The following HNRNPH3 variants were observed in gnomAD, a reference collection of about 807,000 sequenced individuals.
The protein encoded by HNRNPH3 is heterogeneous nuclear ribonucleoprotein 2H9.
HNRNPH3 carries 7 observed loss-of-function variants against 47.0 expected under a neutral mutation model. The ratio of observed to expected loss-of-function variants is 0.15; its 90% CI spans 0.08 to 0.28. The LOEUF is 0.28. HNRNPH3 is among the 10% of genes least tolerant of loss of function. The probability of loss-of-function intolerance (pLI) is 1.00; values close to 1 mark genes in which losing one functional copy is unlikely to be tolerated. For missense variants in HNRNPH3, 279 were observed against 449.6 expected (o/e 0.62, Z 3.43); for synonymous variants, 120 against 143.2 (o/e 0.84, Z 1.16).
chr10:68,337,130 TTTC>T lies in HNRNPH3; in HGVS notation c.-23-65_-23-63del. ...CCTCTTGTGGCACCTCTGAGAGGTGTTTCTTCATTACCTCTTGACAAGAGTATA... is the reference window on the plus strand; with the variant it reads ...CCTCTTGTGGCACCTCTGAGAGGTGTTTCATTACCTCTTGACAAGAGTATA... On this transcript the variant is annotated intron_variant, in intron 1 of 9. Coordinates refer to ENST00000265866, the MANE Select transcript of HNRNPH3 (RefSeq NM_012207.3). The surrounding 1 kb of genome is among the most constrained non-coding windows in gnomAD (Gnocchi z 4.5). 1.4e-6 allele frequency: 1 copy of T among 717,336 alleles called. No individual in the cohort carries two copies. The highest frequency in any genetic ancestry group is 2.4e-6 in the Non-Finnish European group (1 of 420,086). 44.4% of individuals were successfully genotyped at this position (717,336 alleles called of 1,614,324 possible).
Position 68,337,950 on chromosome 10 carries a change from A to G in HNRNPH3, c.205A>G (p.Ile69Val). 1.2e-6 allele frequency: 2 copies of G among 1,613,430 alleles called. No homozygotes were observed. Among genetic ancestry groups the G allele is most frequent in the Non-Finnish European group, 1.7e-6 (2 of 1,179,474 alleles). Residue 69 changes from isoleucine to valine, a missense_variant, in exon 3 of 10, where the codon ATA (isoleucine) becomes GTA (valine). Around this residue, in one of 2 missense-constraint regions of HNRNPH3, gnomAD observed 40 missense variants for 113.8 expected, o/e 0.35. Transcript: ENST00000265866. This position sits in a 1 kb window ranked among gnomAD's most constrained non-coding sequence, Gnocchi z 4.5. ...CTTCGTGCAGTTTGCTTCAAAGGAG[A>G]TAGCAGAAAATGCTCTGGGGAAACA... The part of the protein sequence containing the change: ...EAFVQFASKE[I>V]AENALGKHKE...
intron 5 of HNRNPH3, 61 bp downstream of exon 5, chr10:68,339,287 C>G (rs963433843): frequency 8.1e-5 from 128 of 1,580,622 alleles, no homozygotes; most frequent in Non-Finnish European, 1.0e-4. Flanking sequence ...GCTTTGCAAG[C>G]TCTTAGTGGT....
intron 1 of HNRNPH3, among the ~76,000 whole-genome samples, chr10:68,333,783 T>C (rs1328261228): frequency 6.6e-6 from 1 of 152,208 alleles, no homozygotes; most frequent in Non-Finnish European, 1.5e-5. Context: ...TTACCTACTT[T>C]TCCAGCTCTA....
At chr10:68,331,730 ACTT>A (rs1424167229), upstream of HNRNPH3, 1 of 152,154 alleles carries the variant, frequency 6.6e-6, no homozygotes, top group African/African-American at 2.4e-5. Context: ...TCACCGGAGA[ACTT>A]CTCCAGAGCG....
At chr10:68,335,801 A>G (rs946694410) in intron 1 of HNRNPH3, among the ~76,000 whole-genome samples, 2 of 152,200 alleles carry the variant, frequency 1.3e-5, no homozygotes, top group Admixed American at 6.5e-5. Flanking sequence ...GCTCAGAGGT[A>G]AAGTGGTTCA....
chr10:68,338,431 C>A, intron 3 of HNRNPH3, 72 bp from the exon 4 acceptor site: 2 of 866,080 alleles, frequency 2.3e-6, no homozygotes, highest in Non-Finnish European at 1.7e-6. Context: ...AAACTTACTG[C>A]ATTTTGCCCA....
chr10:68,341,888 A>G (rs1564758370), intron 9 of HNRNPH3, 37 bp downstream of exon 9: 1 of 1,590,372 alleles, frequency 6.3e-7, no homozygotes. Context: ...TAGTCCGCAT[A>G]TGTAGTGCAA....
intron 6 of HNRNPH3, 131 bp downstream of exon 6, chr10:68,339,686 A>C (rs1027291115): frequency 1.6e-5 from 10 of 613,308 alleles, no homozygotes; most frequent in Admixed American, 3.0e-5. Context: ...ATCTACCTTT[A>C]ATTCTTTTTT....
At chr10:68,339,970 C>T (rs2045779292) in intron 6 of HNRNPH3, among the ~76,000 whole-genome samples, 1 of 152,106 alleles carries the variant, frequency 6.6e-6, no homozygotes, top group Non-Finnish European at 1.5e-5. Context: ...TAATGAAAGA[C>T]TGATCAGCAT....
At chr10:68,340,898 G>C (rs777589079) in intron 6 of HNRNPH3, among the ~76,000 whole-genome samples, 2 of 151,682 alleles carry the variant, frequency 1.3e-5, no homozygotes, top group Non-Finnish European at 2.9e-5. Flanking sequence ...CACCTCCTGC[G>C]TTCAAGCGAT....
chr10:68,339,651 C>T, intron 6 of HNRNPH3, 96 bp downstream of exon 6: 1 of 724,170 alleles, frequency 1.4e-6, no homozygotes, highest in Non-Finnish European at 2.3e-6. Context: ...AGCTTAATAC[C>T]AAAATCCCTT....
Position 68,342,011 on chromosome 10 carries a change from G to A in HNRNPH3, c.998G>A (p.Gly333Glu). 6.2e-7 allele frequency: 1 copy of A among 1,614,036 alleles called. No homozygotes were observed. Among genetic ancestry groups the A allele is most frequent in the Non-Finnish European group, 8.5e-7 (1 of 1,180,016 alleles). ...GGTGGAGGCAGTGGAGGTTACTATG[G>A]GCAAGGCGGCATGAGTGGAGGTGGA... ...RGGGGSGGYY[G>E]QGGMSGGGWR... The change falls in exon 10 of 10, where the codon GGG becomes GAG. Residue 333 changes from glycine to glutamate, a missense_variant. By Grantham distance (98) the Gly-to-Glu change is moderately conservative. Coordinates refer to ENST00000265866, the MANE Select transcript of HNRNPH3 (RefSeq NM_012207.3).
intron 5 of HNRNPH3, 101 bp from the exon 6 acceptor site, chr10:68,339,339 G>A (rs2045713669): frequency 6.5e-7 from 1 of 1,537,640 alleles, no homozygotes; most frequent in South Asian, 1.2e-5. Context: ...ACAAATTTCA[G>A]TGCATTCCTA....
At chr10:68,338,399 G>T (rs1359685310) in intron 3 of HNRNPH3, 104 bp from the exon 4 acceptor site, 3 of 597,128 alleles carry the variant, frequency 5.0e-6, no homozygotes, top group East Asian at 2.9e-5. Flanking sequence ...ATTTAAATTG[G>T]GTTATGTATC....
chr10:68,334,620 T>G (rs1488247461), intron 1 of HNRNPH3, among the ~76,000 whole-genome samples: 1 of 152,204 alleles, frequency 6.6e-6, no homozygotes, highest in East Asian at 1.9e-4. Flanking sequence ...CAATCATGAA[T>G]AGAAATGGAA....
chr10:68,340,721 A>G (rs1010227012), intron 6 of HNRNPH3, among the ~76,000 whole-genome samples: 3 of 152,166 alleles, frequency 2.0e-5, no homozygotes, highest in African/African-American at 7.2e-5. Flanking sequence ...TTGGGGAACA[A>G]TTTCATATAG....
At chr10:68,338,709 A>C (rs538138579) in intron 4 of HNRNPH3, 22 bp downstream of exon 4, 1 of 1,527,380 alleles carries the variant, frequency 6.5e-7, no homozygotes, top group East Asian at 2.3e-5. Flanking sequence ...TAATGAACAA[A>C]GGTTCTGTTG....
chr10:68,339,247 A>G (rs375256002), intron 5 of HNRNPH3, 21 bp downstream of exon 5: 1 of 1,577,614 alleles, frequency 6.3e-7, no homozygotes, highest in Non-Finnish European at 8.7e-7. Flanking sequence ...TATTAAAGAC[A>G]TTTTTATTCA....
At chr10:68,339,803 C>T (rs540190060) in intron 6 of HNRNPH3, among the ~76,000 whole-genome samples, 3 of 151,130 alleles carry the variant, frequency 2.0e-5, no homozygotes, top group South Asian at 2.1e-4. Flanking sequence ...CTCAGCCTCC[C>T]GAGTAGCTGG....
Sources: gnomAD v4.1 joint callset for allele counts (sites outside exome capture counted in the v4.1 genomes callset) on GRCh38, gnomAD v4.1.1 for gene constraint, gnomAD v4.1.1 regional missense constraint, Gnocchi (gnomAD v3.1) non-coding constraint, MANE v1.5 for transcripts, NCBI Gene and HGNC (gene_info 2026-07-23, HGNC 2026-07-21) for gene names.